The following MYO16 variants were observed in gnomAD, a reference collection of about 807,000 sequenced individuals.
MYO16 encodes the protein unconventional myosin-XVI.
MYO16 carries 94 observed loss-of-function variants against 205.3 expected under a neutral mutation model. That is an observed-to-expected ratio of 0.46 (90% CI 0.39 to 0.54). MYO16 has a LOEUF of 0.54. Among genes scored for constraint, MYO16 ranks in the 20% least tolerant of loss-of-function variants. The probability of loss-of-function intolerance (pLI) is 0.00; values close to 1 mark genes in which losing one functional copy is unlikely to be tolerated. For synonymous variants in MYO16, 988 were observed against 954.0 expected, an observed-to-expected ratio of 1.04 and a Z score of -0.66; for missense variants, 2,315 against 2,387.5, an observed-to-expected ratio of 0.97 and a Z score of 0.63.
rs1157214612 is a variant in MYO16, at chr13:109,125,871, T to C, written c.3782+513T>C. 6.6e-6 allele frequency among the ~76,000 whole-genome samples: 1 copy of C among 152,170 alleles called. No individual in the cohort carries two copies. The highest frequency in any genetic ancestry group is 1.5e-5 in the Non-Finnish European group (1 of 68,034). ...GTCTCTCTTTACCAATAAAGCAAGCTTTGGGGAAAGCTTTGTATTTAAAAG... is the reference window on the plus strand; with the variant it reads ...GTCTCTCTTTACCAATAAAGCAAGCCTTGGGGAAAGCTTTGTATTTAAAAG... On this transcript the variant is annotated intron_variant, in intron 30 of 34. Transcript: ENST00000457511. This position sits in a 1 kb window ranked among gnomAD's most constrained non-coding sequence, Gnocchi z 4.0.
chr13:108,586,400 A>C, the MYO16 span, among the ~76,000 whole-genome samples: 1 of 151,874 alleles, frequency 6.6e-6, no homozygotes, highest in South Asian at 2.1e-4. Flanking sequence ...TATTAAATTC[A>C]AAAAAAATAT....
the MYO16 span, among the ~76,000 whole-genome samples, chr13:108,555,733 C>T: frequency 6.6e-6 from 1 of 152,124 alleles, no homozygotes; most frequent in Admixed American, 6.6e-5. Context: ...GACTGACATC[C>T]TCCCAACTCC....
chr13:109,174,556 T>C (rs1051867487), intron 33 of MYO16, among the ~76,000 whole-genome samples: 2 of 151,958 alleles, frequency 1.3e-5, no homozygotes, highest in Non-Finnish European at 2.9e-5. Context: ...AAGAGGGTAG[T>C]GGATTTAAAG....
intron 28 of MYO16, among the ~76,000 whole-genome samples, chr13:109,111,363 C>T (rs926490422): frequency 6.6e-6 from 1 of 152,184 alleles, no homozygotes; most frequent in African/African-American, 2.4e-5. Context: ...TTGTTCATAT[C>T]ACCATCAATA....
At position 108,820,147 on chromosome 13, in the gene MYO16, G is replaced by T. The variant is rs904103591; in HGVS notation, c.868-190G>T. ...ATAATTTTTGTTCTGAATCCAGAAA[G>T]GGCTGAAATAATTTGAGTATCTGAC... On this transcript the variant is annotated intron_variant, in intron 7 of 34. Transcript: ENST00000457511. Among the ~76,000 whole-genome samples the T allele has an allele frequency of 3.0e-4, 45 of 152,100 alleles. 1 individual carries two copies. Among genetic ancestry groups the T allele is most frequent in the Admixed American group, 2.8e-3 (42 of 15,264 alleles).
At chr13:109,060,291 A>G (rs2139623305) in intron 27 of MYO16, among the ~76,000 whole-genome samples, 1 of 152,334 alleles carries the variant, frequency 6.6e-6, no homozygotes, top group South Asian at 2.1e-4. Flanking sequence ...TACACCGTGG[A>G]ATACTATGCA....
intron 23 of MYO16, among the ~76,000 whole-genome samples, chr13:109,023,429 T>C (rs1382685066): frequency 0.053 from 3,698 of 70,350 alleles, 44 homozygotes; most frequent in Middle Eastern, 0.087. Flanking sequence ...TAAATATATA[T>C]TTATATATTA....
the MYO16 span, among the ~76,000 whole-genome samples, chr13:108,574,219 T>C: frequency 6.6e-6 from 1 of 152,186 alleles, no homozygotes; most frequent in African/African-American, 2.4e-5. Context: ...GGCTTGCTAA[T>C]GACGTCCTTC....
chr13:108,961,623 GC>G lies in MYO16; in HGVS notation c.2124del (p.Phe709SerfsTer26). 3 of 1,613,944 alleles carry G rather than the reference GC, an allele frequency of 1.9e-6. No individual in the cohort carries two copies. The highest frequency in any genetic ancestry group is 2.5e-6 in the Non-Finnish European group (3 of 1,179,880). On this transcript the variant is annotated frameshift_variant, in exon 18 of 35. Transcript: ENST00000457511. LOFTEE classifies it high-confidence loss of function. ...TACTGCCCTGAATGAGGGGAACTCCGCCTTCGTTTCTGACCTCCAGCTCCTG... is the reference window on the plus strand; with the variant it reads ...TACTGCCCTGAATGAGGGGAACTCCGCTTCGTTTCTGACCTCCAGCTCCTG... ...RFTALNEGNS[A>X]FVSDLQLLEQ... is the part of the protein sequence containing the mutation.
intron 4 of MYO16, among the ~76,000 whole-genome samples, chr13:108,780,433 G>A (rs1370192553): frequency 6.6e-6 from 1 of 151,022 alleles, no homozygotes. Flanking sequence ...AACAAAGAGA[G>A]GGAAAAAGAA....
intron 32 of MYO16, among the ~76,000 whole-genome samples, chr13:109,150,769 A>C (rs1014224077): frequency 6.6e-6 from 1 of 152,216 alleles, no homozygotes; most frequent in Non-Finnish European, 1.5e-5. Context: ...TCATACTATC[A>C]ACCCACTAAA....
At chr13:108,604,010 A>G (rs972347707) in intron 1 of MYO16, among the ~76,000 whole-genome samples, 1 of 152,160 alleles carries the variant, frequency 6.6e-6, no homozygotes, top group South Asian at 2.1e-4. Flanking sequence ...ATTTATAATC[A>G]TGGCATAAGG....
intron 6 of MYO16, among the ~76,000 whole-genome samples, chr13:108,804,381 C>A (rs1261750317): frequency 2.0e-5 from 3 of 152,106 alleles, no homozygotes; most frequent in Non-Finnish European, 2.9e-5. Flanking sequence ...CTTAAAGTAG[C>A]AGGAGAGGAA....
chr13:109,164,625 T>A (rs1406223582), intron 32 of MYO16, among the ~76,000 whole-genome samples: 1 of 152,224 alleles, frequency 6.6e-6, no homozygotes, highest in Non-Finnish European at 1.5e-5. Context: ...AATACTATAA[T>A]GACAAGTTAT....
intron 9 of MYO16, among the ~76,000 whole-genome samples, chr13:108,838,406 G>A (rs1877043407): frequency 6.6e-6 from 1 of 151,674 alleles, no homozygotes; most frequent in Non-Finnish European, 1.5e-5. Context: ...TGTAATCCCA[G>A]CACTTTGGGA....
chr13:108,830,616 G>T (rs1472057639), intron 9 of MYO16, among the ~76,000 whole-genome samples: 4 of 130,052 alleles, frequency 3.1e-5, no homozygotes, highest in East Asian at 2.8e-4. Context: ...GTTGTGGGGT[G>T]GGGGGAGGGG....
chr13:108,963,748 G>A (rs1025041851), intron 19 of MYO16, among the ~76,000 whole-genome samples: 2 of 152,150 alleles, frequency 1.3e-5, no homozygotes, highest in Admixed American at 6.5e-5. Flanking sequence ...ACCTTCTTTT[G>A]AGAAACATTG....
the MYO16 span, among the ~76,000 whole-genome samples, chr13:108,550,256 G>A: frequency 6.6e-6 from 1 of 152,268 alleles, no homozygotes; most frequent in Non-Finnish European, 1.5e-5. Flanking sequence ...TGAGCACAGA[G>A]TCTTGGAAAG....
At chr13:108,555,906 T>C in the MYO16 span, among the ~76,000 whole-genome samples, 3 of 152,234 alleles carry the variant, frequency 2.0e-5, no homozygotes, top group Non-Finnish European at 2.9e-5. Context: ...AGTTCATTCA[T>C]GTCGTTGCAA....
Sources: gnomAD v4.1 joint callset for allele counts (sites outside exome capture counted in the v4.1 genomes callset) on GRCh38, gnomAD v4.1.1 for gene constraint, Gnocchi (gnomAD v3.1) non-coding constraint, MANE v1.5 for transcripts, NCBI Gene and HGNC (gene_info 2026-07-23, HGNC 2026-07-21) for gene names.